Variants in PTPRM observed in about 807,000 individuals in gnomAD.
PTPRM encodes protein tyrosine phosphatase receptor type M, also known as receptor-type tyrosine-protein phosphatase mu.
PTPRM carries 47 observed loss-of-function variants against 186.7 expected under a neutral mutation model. That is an observed-to-expected ratio of 0.25 (90% CI 0.20 to 0.32). The LOEUF (loss-of-function observed/expected upper bound fraction) is 0.32. Among genes scored for constraint, PTPRM ranks in the 10% least tolerant of loss-of-function variants. The probability of loss-of-function intolerance (pLI) is 1.00; values close to 1 mark genes in which losing one functional copy is unlikely to be tolerated. For synonymous variants in PTPRM, 668 were observed against 674.9 expected (o/e 0.99, Z 0.16); for missense variants, 1,494 against 1,865.0 (o/e 0.80, Z 3.66).
chr18:7,694,858 T>C (rs2144668815), intron 1 of PTPRM, among the ~76,000 whole-genome samples: 1 of 152,312 alleles, frequency 6.6e-6, no homozygotes, highest in East Asian at 1.9e-4. Flanking sequence ...AAAACAATAT[T>C]TTTTAAATTG....
At chr18:7,597,393 C>A (rs545507367) in intron 1 of PTPRM, among the ~76,000 whole-genome samples, 2 of 152,100 alleles carry the variant, frequency 1.3e-5, no homozygotes, top group African/African-American at 2.4e-5. Context: ...CTTTACCTTT[C>A]GGATCAATAT....
At chr18:7,898,916 TCCTGTGAG>T (rs2049513308) in intron 3 of PTPRM, among the ~76,000 whole-genome samples, 1 of 152,240 alleles carries the variant, frequency 6.6e-6, no homozygotes, top group Non-Finnish European at 1.5e-5. Context: ...GGGGTTAGGT[TCCTGTGAG>T]CCTTTGGTCA....
intron 1 of PTPRM, among the ~76,000 whole-genome samples, chr18:7,764,627 G>A (rs2041935605): frequency 6.6e-6 from 1 of 152,212 alleles, no homozygotes; most frequent in Non-Finnish European, 1.5e-5. Context: ...CCAACCCCCA[G>A]AGGTTCTGAC....
At chr18:7,610,638 A>G (rs745889208) in intron 1 of PTPRM, among the ~76,000 whole-genome samples, 30 of 152,308 alleles carry the variant, frequency 2.0e-4, no homozygotes, top group African/African-American at 2.9e-4. Flanking sequence ...CTATTGCCCA[A>G]TGACATCATA....
chr18:8,134,409 G>A (rs976737789), intron 13 of PTPRM, among the ~76,000 whole-genome samples: 3 of 152,116 alleles, frequency 2.0e-5, no homozygotes, highest in African/African-American at 4.8e-5. Flanking sequence ...GGGAAGCTCC[G>A]ATGGCAGGTC....
At chr18:8,102,016 AT>A (rs2091313088) in intron 11 of PTPRM, among the ~76,000 whole-genome samples, 1 of 152,160 alleles carries the variant, frequency 6.6e-6, no homozygotes, top group Admixed American at 6.5e-5. Flanking sequence ...AGTCACACAC[AT>A]TTTTTGTTTC....
chr18:8,121,542 T>C lies in PTPRM; in HGVS notation c.2167+6715T>C, dbSNP rs188313929. Among the ~76,000 whole-genome samples, 703 of 152,328 alleles carry C rather than the reference T, an allele frequency of 4.6e-3. 3 individuals are homozygous for C. Among genetic ancestry groups the C allele is most frequent in the South Asian group, 7.9e-3 (38 of 4,828 alleles). ...AAGCCAGCCTGGTCTGCTTCAAGACTCTTAATCATTTCTTTGTTCACATGT... is the reference window on the plus strand; with the variant it reads ...AAGCCAGCCTGGTCTGCTTCAAGACCCTTAATCATTTCTTTGTTCACATGT... On this transcript the variant is annotated intron_variant, in intron 13 of 32. Coordinates refer to ENST00000580170, the MANE Select transcript of PTPRM (RefSeq NM_001105244.2).
chr18:7,905,780 A>G (rs1289289165), intron 3 of PTPRM, among the ~76,000 whole-genome samples: 1 of 152,128 alleles, frequency 6.6e-6, no homozygotes, highest in East Asian at 1.9e-4. Flanking sequence ...TTCTTATAGT[A>G]CACTGCACTC....
At chr18:7,646,536 C>T (rs941488463) in intron 1 of PTPRM, among the ~76,000 whole-genome samples, 2 of 152,202 alleles carry the variant, frequency 1.3e-5, no homozygotes, top group Non-Finnish European at 2.9e-5. Context: ...ACTTATCTCT[C>T]GTATACTGGA....
At chr18:7,819,069 A>T (rs1327367346) in intron 2 of PTPRM, among the ~76,000 whole-genome samples, 1 of 152,222 alleles carries the variant, frequency 6.6e-6, no homozygotes, top group Non-Finnish European at 1.5e-5. Flanking sequence ...GGTAAAGTAC[A>T]GATAGTGGGC....
chr18:7,996,195 T>A (rs1297690724), intron 7 of PTPRM, among the ~76,000 whole-genome samples: 13 of 150,528 alleles, frequency 8.6e-5, no homozygotes, highest in Non-Finnish European at 1.8e-4. Context: ...AAAAAAAAAA[T>A]AAATAAACAC....
chr18:7,629,667 T>A (rs2038145491), intron 1 of PTPRM, among the ~76,000 whole-genome samples: 1 of 152,112 alleles, frequency 6.6e-6, no homozygotes, highest in South Asian at 2.1e-4. Context: ...GAGCCAGAAA[T>A]TGGAGGTTTT....
intron 17 of PTPRM, 160 bp downstream of exon 17, chr18:8,248,336 A>G (rs192187739): frequency 0.053 from 40,687 of 768,024 alleles, 1,263 homozygotes; most frequent in Non-Finnish European, 0.067. Flanking sequence ...AAGGAAAAAG[A>G]GACTTTTCTC....
chr18:8,249,057 T>G (rs751586662), intron 17 of PTPRM, among the ~76,000 whole-genome samples: 2 of 152,206 alleles, frequency 1.3e-5, no homozygotes, highest in Admixed American at 6.5e-5. Context: ...CTCTTTCTAC[T>G]ACTAACCTTT....
intron 11 of PTPRM, among the ~76,000 whole-genome samples, chr18:8,090,544 A>G (rs2090661109): frequency 6.6e-6 from 1 of 152,116 alleles, no homozygotes; most frequent in Admixed American, 6.6e-5. Context: ...AAACCCTTTC[A>G]GTTGGATTTT....
intron 3 of PTPRM, among the ~76,000 whole-genome samples, chr18:7,894,902 T>C (rs752452212): frequency 1.6e-4 from 25 of 152,230 alleles, no homozygotes; most frequent in Non-Finnish European, 3.2e-4. Flanking sequence ...ATAAGTTTCA[T>C]GTATACTTGA....
intron 5 of PTPRM, among the ~76,000 whole-genome samples, chr18:7,930,435 A>G (rs961902217): frequency 1.4e-4 from 21 of 152,142 alleles, no homozygotes; most frequent in African/African-American, 5.1e-4. Flanking sequence ...ATTCTGCACA[A>G]AGTTTCATGG....
intron 1 of PTPRM, among the ~76,000 whole-genome samples, chr18:7,728,566 TA>T (rs1452740101): frequency 2.0e-5 from 3 of 152,242 alleles, no homozygotes; most frequent in Admixed American, 6.5e-5. Flanking sequence ...TTCCATTGGT[TA>T]AAAGGCATTA....
chr18:8,130,324 TCC>T (rs1246825849), intron 13 of PTPRM, among the ~76,000 whole-genome samples: 2 of 152,152 alleles, frequency 1.3e-5, no homozygotes, highest in Admixed American at 1.3e-4. Context: ...CCAGCTGCTG[TCC>T]CATCTCAAAT....
Sources: allele counts gnomAD v4.1 joint callset (sites outside exome capture counted in the v4.1 genomes callset), GRCh38; gene constraint gnomAD v4.1.1; transcripts MANE v1.5; gene names NCBI Gene and HGNC (gene_info 2026-07-23, HGNC 2026-07-21).